DOK6: variants seen among roughly 807,000 people sequenced by gnomAD.
DOK6 encodes docking protein 6, also known as downstream of tyrosine kinase 6.
A neutral mutation model predicts 44.0 loss-of-function variants in DOK6; 22 were observed. The ratio of observed to expected loss-of-function variants is 0.50; its 90% CI spans 0.36 to 0.71. The LOEUF is 0.71. DOK6 is among the 30% of genes least tolerant of loss of function. The pLI is 0.00. For synonymous variants in DOK6, 166 were observed against 145.5 expected, an observed-to-expected ratio of 1.14 and a Z score of -1.01; for missense variants, 340 against 416.4, an observed-to-expected ratio of 0.82 and a Z score of 1.60.
intron 1 of DOK6, among the ~76,000 whole-genome samples, chr18:69,450,887 C>A (rs1251964081): frequency 2.0e-5 from 3 of 149,758 alleles, no homozygotes; most frequent in Non-Finnish European, 4.4e-5. Context: ...ACCAGGCCTG[C>A]CCTAAAAGAG....
At position 69,757,886 on chromosome 18, in the gene DOK6, A is replaced by C; in HGVS notation, c.856+13A>C. The stretch of plus-strand genomic sequence containing the variant: ...TACAGTTTGCAAGGCAAGTCACTTT[A>C]ATGTAAGAAAGCAGTGCCTCCATAA... On this transcript the variant is annotated intron_variant, in intron 7 of 7. Transcript: ENST00000382713. 1 of 1,608,714 alleles carries C rather than the reference A, an allele frequency of 6.2e-7. No homozygotes were observed. The highest frequency in any genetic ancestry group is 8.5e-7 in the Non-Finnish European group (1 of 1,175,072).
chr18:69,628,043 C>T (rs1984600016), intron 3 of DOK6, among the ~76,000 whole-genome samples: 1 of 152,064 alleles, frequency 6.6e-6, no homozygotes, highest in Admixed American at 6.5e-5. Flanking sequence ...AAAATGATTC[C>T]TATGGAGTCA....
Position 69,662,607 on chromosome 18 carries a change from AAC to A in DOK6, c.290-15123_290-15122del, listed in dbSNP as rs144319387. 2.6e-3 allele frequency: 391 copies of A among 152,370 alleles called. 4 individuals are homozygous for A. Among genetic ancestry groups the A allele is most frequent in the African/African-American group, 8.8e-3 (364 of 41,588 alleles). The allele number at this position is 152,370 out of a possible 1,614,324, so 9.4% of individuals were successfully genotyped here. The stretch of plus-strand genomic sequence containing the variant: ...GCCTTTGAACAAATAAAAATATTTG[AAC>A]ACAGTTTTACATTGATCTATTTTAA... On this transcript the variant is annotated intron_variant, in intron 3 of 7. Transcript: ENST00000382713.
intron 3 of DOK6, chr18:69,659,962 T>TTATATATATAACATATATGTATGTTA (rs1985480622): frequency 1.5e-5 from 1 of 66,838 alleles, no homozygotes; most frequent in Admixed American, 1.5e-4. Context: ...TATGTATGTT[T>TTATATATATAACATATATGTATGTTA]TATATATATA....
At chr18:69,594,792 C>T (rs1373122404) in intron 2 of DOK6, among the ~76,000 whole-genome samples, 1 of 150,708 alleles carries the variant, frequency 6.6e-6, no homozygotes, top group Non-Finnish European at 1.5e-5. Context: ...AGTTCAAGAA[C>T]AGCCTGGGTA....
chr18:69,809,933 C>T (rs1981171468), intron 7 of DOK6, among the ~76,000 whole-genome samples: 1 of 151,774 alleles, frequency 6.6e-6, no homozygotes, highest in Non-Finnish European at 1.5e-5. Context: ...GACTCAATGC[C>T]ATATCTATCA....
chr18:69,769,658 T>C (rs1417162861), intron 7 of DOK6, among the ~76,000 whole-genome samples: 1 of 152,126 alleles, frequency 6.6e-6, no homozygotes, highest in Non-Finnish European at 1.5e-5. Context: ...TTTGAGGATA[T>C]CTCTACATTA....
chr18:69,535,297 G>C (rs1487290633), intron 1 of DOK6, among the ~76,000 whole-genome samples: 1 of 151,256 alleles, frequency 6.6e-6, no homozygotes, highest in Admixed American at 6.6e-5. Context: ...CATTGTCATT[G>C]TAAAACTTAT....
intron 1 of DOK6, among the ~76,000 whole-genome samples, chr18:69,439,770 C>T (rs946724454): frequency 1.3e-5 from 2 of 152,156 alleles, no homozygotes; most frequent in African/African-American, 2.4e-5. Flanking sequence ...GATCTTTTAT[C>T]CAGACCACTC....
chr18:69,549,090 C>T (rs113573327), intron 1 of DOK6, among the ~76,000 whole-genome samples: 17 of 119,882 alleles, frequency 1.4e-4, no homozygotes, highest in African/African-American at 4.1e-4. Flanking sequence ...AGTGAGACTC[C>T]GTCTCAAAAA....
At chr18:69,799,689 T>G (rs1980846751) in intron 7 of DOK6, among the ~76,000 whole-genome samples, 1 of 152,078 alleles carries the variant, frequency 6.6e-6, no homozygotes. Flanking sequence ...GCAGAATCAA[T>G]GTCTTAAGTA....
At chr18:69,735,088 A>G (rs1241388055) in intron 5 of DOK6, among the ~76,000 whole-genome samples, 3 of 152,232 alleles carry the variant, frequency 2.0e-5, no homozygotes, top group African/African-American at 4.8e-5. Context: ...TCCTTCAAAT[A>G]TATACATCCA....
chr18:69,708,805 A>G (rs1986694771), intron 5 of DOK6, among the ~76,000 whole-genome samples: 2 of 145,272 alleles, frequency 1.4e-5, no homozygotes, highest in African/African-American at 2.5e-5. Context: ...AAAAAAAAAA[A>G]GTGCTTTGAA....
chr18:69,811,252 A>G (rs1442365141), intron 7 of DOK6, among the ~76,000 whole-genome samples: 1 of 151,962 alleles, frequency 6.6e-6, no homozygotes, highest in Non-Finnish European at 1.5e-5. Flanking sequence ...GGAATCTTAA[A>G]AAGTTGAACC....
At chr18:69,429,847 C>G (rs1054613698) in intron 1 of DOK6, among the ~76,000 whole-genome samples, 6 of 151,590 alleles carry the variant, frequency 4.0e-5, no homozygotes, top group African/African-American at 1.5e-4. Flanking sequence ...ATTCATTGCT[C>G]TTATCTCTGG....
chr18:69,436,628 A>G (rs1301313036), intron 1 of DOK6, among the ~76,000 whole-genome samples: 1 of 152,116 alleles, frequency 6.6e-6, no homozygotes, highest in Non-Finnish European at 1.5e-5. Context: ...ATATGTATGC[A>G]TGTGTCTTTA....
At chr18:69,657,827 C>A (rs1985408001) in intron 3 of DOK6, among the ~76,000 whole-genome samples, 1 of 152,184 alleles carries the variant, frequency 6.6e-6, no homozygotes, top group Non-Finnish European at 1.5e-5. Context: ...ACCTAAGACA[C>A]AAATTAACTG....
intron 3 of DOK6, among the ~76,000 whole-genome samples, chr18:69,641,535 T>C (rs1984942239): frequency 6.6e-6 from 1 of 152,216 alleles, no homozygotes; most frequent in Non-Finnish European, 1.5e-5. Flanking sequence ...AAGCAGATGC[T>C]TAAACTGTGA....
At chr18:69,429,533 C>T (rs1006890510) in intron 1 of DOK6, among the ~76,000 whole-genome samples, 8 of 147,292 alleles carry the variant, frequency 5.4e-5, no homozygotes, top group Admixed American at 2.7e-4. Context: ...ATGTTGAAAA[C>T]CACAATGTAT....
Sources: allele counts gnomAD v4.1 joint callset (sites outside exome capture counted in the v4.1 genomes callset), GRCh38; gene constraint gnomAD v4.1.1; transcripts MANE v1.5; gene names NCBI Gene and HGNC (gene_info 2026-07-23, HGNC 2026-07-21).